MPRIP: variants seen among roughly 807,000 people sequenced by gnomAD.
MPRIP encodes myosin phosphatase Rho interacting protein.
Under a neutral mutation model 234.9 loss-of-function variants are expected in MPRIP, and 59 were observed. The ratio of observed to expected loss-of-function variants is 0.25; its 90% CI spans 0.20 to 0.31. The LOEUF is 0.31. Ranked by LOEUF, MPRIP falls within the 10% of genes least tolerant of loss-of-function variation. The probability of loss-of-function intolerance (pLI) is 1.00; values close to 1 mark genes in which losing one functional copy is unlikely to be tolerated. For missense variants in MPRIP, 2,436 were observed against 3,071.0 expected (o/e 0.79, Z 4.89); for synonymous variants, 1,144 against 1,263.9 (o/e 0.91, Z 2.01).
chr17:17,112,257 G>A (rs1440514187), intron 3 of MPRIP, among the ~76,000 whole-genome samples: 2 of 152,090 alleles, frequency 1.3e-5, no homozygotes, highest in Admixed American at 6.5e-5. Flanking sequence ...TCTCTCTGTC[G>A]GGATCTCCCA....
At chr17:17,062,883 C>T (rs969078346) in intron 1 of MPRIP, among the ~76,000 whole-genome samples, 2 of 152,204 alleles carry the variant, frequency 1.3e-5, no homozygotes, top group Admixed American at 1.3e-4. Context: ...GTGGAAGCAT[C>T]GTGGCTCTTG....
chr17:17,052,047 G>T (rs1164569442), intron 1 of MPRIP, among the ~76,000 whole-genome samples: 1 of 152,254 alleles, frequency 6.6e-6, no homozygotes, highest in Non-Finnish European at 1.5e-5. Flanking sequence ...GGCAAGGGTG[G>T]CCAGCAGGGC....
chr17:17,131,527 T>C, intron 4 of MPRIP, 90 bp from the exon 5 acceptor site: 2 of 1,068,406 alleles, frequency 1.9e-6, no homozygotes, highest in Non-Finnish European at 2.9e-6. Context: ...AATGCCCTGC[T>C]CTACTCCTGG....
intron 1 of MPRIP, among the ~76,000 whole-genome samples, chr17:17,075,507 T>C (rs2089306341): frequency 1.3e-5 from 2 of 152,124 alleles, no homozygotes; most frequent in African/African-American, 2.4e-5. Flanking sequence ...AGGGCCTGTA[T>C]GCTCTCCACC....
intron 3 of MPRIP, among the ~76,000 whole-genome samples, chr17:17,083,695 C>G (rs2089519256): frequency 6.6e-6 from 1 of 152,140 alleles, no homozygotes; most frequent in Non-Finnish European, 1.5e-5. Flanking sequence ...GGCTGGGAAA[C>G]CAGTTTAAAT....
At chr17:17,054,867 CA>C (rs2088646176) in intron 1 of MPRIP, among the ~76,000 whole-genome samples, 3 of 151,828 alleles carry the variant, frequency 2.0e-5, no homozygotes, top group Non-Finnish European at 2.9e-5. Flanking sequence ...CTGGGCAAGA[CA>C]GGGAAACCCT....
intron 3 of MPRIP, among the ~76,000 whole-genome samples, chr17:17,096,042 G>A (rs184197028): frequency 7.2e-5 from 11 of 152,220 alleles, no homozygotes; most frequent in Middle Eastern, 3.4e-3. Context: ...GTTTTAGCAG[G>A]CAATTGAACA....
intron 7 of MPRIP, among the ~76,000 whole-genome samples, chr17:17,140,188 G>C (rs2090783929): frequency 2.0e-5 from 3 of 152,200 alleles, no homozygotes; most frequent in Non-Finnish European, 2.9e-5. Context: ...GGTGGCTCCA[G>C]AGCAGGATCA....
chr17:17,180,688 C>T (rs3744127), intron 23 of MPRIP: 153,427 of 1,604,206 alleles, frequency 0.096, 11,166 homozygotes, highest in East Asian at 0.32. Flanking sequence ...CCTCTCCCAC[C>T]GCCTGCATGC....
At chr17:17,175,191 A>G in intron 19 of MPRIP, 102 bp from the exon 20 acceptor site, 1 of 1,552,306 alleles carries the variant, frequency 6.4e-7, no homozygotes, top group African/African-American at 1.4e-5. Flanking sequence ...ACGCAGTTCC[A>G]CAGATACACA....
chr17:17,155,255 T>A (rs1160917106), intron 13 of MPRIP, among the ~76,000 whole-genome samples: 1 of 149,942 alleles, frequency 6.7e-6, no homozygotes, highest in African/African-American at 2.5e-5. Flanking sequence ...AAAAGCGTGT[T>A]CTTTTTTTTT....
chr17:17,061,915 C>T (rs182107866), intron 1 of MPRIP, among the ~76,000 whole-genome samples: 3 of 152,076 alleles, frequency 2.0e-5, no homozygotes. Flanking sequence ...TGTTCCTGAC[C>T]TTGAGGCATT....
chr17:17,186,669 T>C lies in MPRIP; in HGVS notation c.*1775T>C, dbSNP rs937790663. The stretch of plus-strand genomic sequence containing the variant: ...GGGAGGTCGAGGCTGCAATCAGTCA[T>C]GATCGTGTCACTGCACTCCAGCCTG... On this transcript the variant is annotated 3_prime_UTR_variant, in exon 24 of 24. Coordinates refer to ENST00000651222, the MANE Select transcript of MPRIP (RefSeq NM_001364716.4). 3 of 152,230 alleles carry C rather than the reference T, an allele frequency of 2.0e-5. No homozygotes were observed. The highest frequency in any genetic ancestry group is 2.9e-5 in the Non-Finnish European group (2 of 68,108). 9.4% of individuals were successfully genotyped at this position (152,230 alleles called of 1,614,324 possible).
Position 17,138,189 on chromosome 17 carries a change from C to A in MPRIP, c.1010C>A (p.Ala337Asp). Residue 337 changes from alanine (A) to aspartate (D), a missense_variant, in exon 7 of 24, where the codon GCC becomes GAC. This residue lies in a region of MPRIP where 267 missense variants were observed against 252.7 expected (regional missense o/e 1.06). Coordinates refer to ENST00000651222, the MANE Select transcript of MPRIP (RefSeq NM_001364716.4). This position sits in a 1 kb window ranked among gnomAD's most constrained non-coding sequence, Gnocchi z 5.8. Reference protein sequence around the residue: ...CSISLSSLDVASQPPAYVDSG... With the variant: ...CSISLSSLDVDSQPPAYVDSG... ...ATCTCCCTCAGCTCCCTGGATGTGG[C>A]CAGCCAGCCACCTGCCTACGTGGAC... 1 of 973,770 alleles carries A rather than the reference C, an allele frequency of 1.0e-6. No individual in the cohort carries two copies. The highest frequency in any genetic ancestry group is 1.5e-6 in the Non-Finnish European group (1 of 672,956). The allele number at this position is 973,770 out of a possible 1,614,324, so 60.3% of individuals were successfully genotyped here.
intron 3 of MPRIP, among the ~76,000 whole-genome samples, chr17:17,123,368 A>T (rs767221012): frequency 6.6e-6 from 1 of 152,180 alleles, no homozygotes; most frequent in Non-Finnish European, 1.5e-5. Flanking sequence ...CTGTTGTTAA[A>T]AAGAAAAGTT....
At chr17:17,171,968 G>A in intron 17 of MPRIP, 103 bp downstream of exon 17, 1 of 1,318,630 alleles carries the variant, frequency 7.6e-7, no homozygotes, top group Non-Finnish European at 1.0e-6. Context: ...CCTTTTGGCT[G>A]AGATGTAAAC....
At position 17,147,475 on chromosome 17, in the gene MPRIP, C is replaced by A. The variant is rs151039524; in HGVS notation, c.1629+88C>A. ...GCTAGTAGATCTGCTTCCCCCTGGG[C>A]TAATGTCCCCACTTCTGAGGACAGC... On this transcript the variant is annotated intron_variant, in intron 11 of 23. Coordinates refer to ENST00000651222, the MANE Select transcript of MPRIP (RefSeq NM_001364716.4). 1.5e-5 allele frequency: 18 copies of A among 1,240,678 alleles called. No homozygotes were observed. The East Asian group carries it at 4.0e-4, about 27-fold the overall frequency. 76.9% of individuals were successfully genotyped at this position (1,240,678 alleles called of 1,614,324 possible).
intron 1 of MPRIP, among the ~76,000 whole-genome samples, chr17:17,050,099 G>A (rs189207528): frequency 9.9e-5 from 15 of 152,258 alleles, no homozygotes; most frequent in African/African-American, 2.9e-4. Flanking sequence ...AGGCCGAGGC[G>A]GGTGGATCAC....
At chr17:17,084,308 C>T (rs186944331) in intron 3 of MPRIP, among the ~76,000 whole-genome samples, 3 of 152,150 alleles carry the variant, frequency 2.0e-5, no homozygotes, top group African/African-American at 4.8e-5. Flanking sequence ...CTCTTAAAGG[C>T]GGTGGGTGGT....
Sources: gnomAD v4.1 joint callset for allele counts (sites outside exome capture counted in the v4.1 genomes callset) on GRCh38, gnomAD v4.1.1 for gene constraint, gnomAD v4.1.1 regional missense constraint, Gnocchi (gnomAD v3.1) non-coding constraint, MANE v1.5 for transcripts, NCBI Gene and HGNC (gene_info 2026-07-23, HGNC 2026-07-21) for gene names.